The following ABCC4 variants were observed in gnomAD, a reference collection of about 807,000 sequenced individuals.
ABCC4 encodes ATP binding cassette subfamily C member 4 (PEL blood group), also known as ATP-binding cassette sub-family C member 4.
In ABCC4, 102 loss-of-function variants were observed where a neutral mutation model predicts 168.5. The ratio of observed to expected loss-of-function variants is 0.61; its 90% CI spans 0.52 to 0.71. The LOEUF is 0.71. Ranked by LOEUF, ABCC4 falls within the 30% of genes least tolerant of loss-of-function variation. The probability of loss-of-function intolerance (pLI) is 0.00; values close to 1 mark genes in which losing one functional copy is unlikely to be tolerated. For missense variants in ABCC4, 1,402 were observed against 1,605.8 expected, an observed-to-expected ratio of 0.87 and a Z score of 2.17; for synonymous variants, 617 against 590.7, an observed-to-expected ratio of 1.04 and a Z score of -0.65.
intron 19 of ABCC4, among the ~76,000 whole-genome samples, chr13:95,127,708 T>C (rs1040868840): frequency 7.9e-5 from 12 of 152,300 alleles, no homozygotes; most frequent in Admixed American, 3.9e-4. Context: ...GGTGATCTCA[T>C]GCCCTTGTGG....
chr13:95,064,421 C>CA (rs1426318658), intron 25 of ABCC4, among the ~76,000 whole-genome samples: 1 of 151,428 alleles, frequency 6.6e-6, no homozygotes, highest in East Asian at 1.9e-4. Flanking sequence ...TAAGATGACA[C>CA]ATTCTTTGGT....
At chr13:95,098,135 A>G (rs979818721) in intron 20 of ABCC4, among the ~76,000 whole-genome samples, 1 of 40,004 alleles carries the variant, frequency 2.5e-5, no homozygotes, top group Admixed American at 1.9e-4. Flanking sequence ...GATACTGTCT[A>G]AAAAAAAAAA....
intron 25 of ABCC4, among the ~76,000 whole-genome samples, chr13:95,066,856 G>A (rs1440070658): frequency 6.6e-6 from 1 of 152,198 alleles, no homozygotes; most frequent in Non-Finnish European, 1.5e-5. Context: ...GTCTTTAAAG[G>A]CACTGGCCTG....
In ABCC4 at chr13:95,146,365, A is replaced by G. The variant is rs1594179213; in HGVS notation, c.2455+14824T>C. ...CCAAACCCTCCACCACATGTAATCT[A>G]CTCATGTAACAAACCTGCATATGTA... On this transcript the variant is annotated intron_variant, in intron 19 of 30. Coordinates refer to ENST00000645237, the MANE Select transcript of ABCC4 (RefSeq NM_005845.5). Among the ~76,000 whole-genome samples, 2 of 152,286 alleles carry G rather than the reference A, an allele frequency of 1.3e-5. 1 individual carries two copies. The highest frequency in any genetic ancestry group is 4.1e-4 in the South Asian group (2 of 4,828).
chr13:95,201,207 A>G (rs1404291518), intron 8 of ABCC4, among the ~76,000 whole-genome samples: 1 of 152,220 alleles, frequency 6.6e-6, no homozygotes, highest in African/African-American at 2.4e-5. Context: ...ATTTTATTTT[A>G]CTACATGCAT....
rs570334897 is a variant in ABCC4 at position 95,210,788 on chromosome 13, T to C, written c.532-7A>G. The C allele has an allele frequency of 1.2e-6, 2 of 1,606,898 alleles. No homozygotes were observed. On this transcript the variant is annotated splice_polypyrimidine_tract_variant and splice_region_variant and intron_variant, in intron 4 of 30. Coordinates refer to ENST00000645237, the MANE Select transcript of ABCC4 (RefSeq NM_005845.5). ...TGTTACTAAGACGAAGTGCCTGAAATAAAAGAGGTAAGTAGAGAATTGTAT... is the reference window on the plus strand; with the variant it reads ...TGTTACTAAGACGAAGTGCCTGAAACAAAAGAGGTAAGTAGAGAATTGTAT...
intron 30 of ABCC4, among the ~76,000 whole-genome samples, chr13:95,024,715 G>A (rs1179640138): frequency 6.6e-6 from 1 of 152,094 alleles, no homozygotes; most frequent in African/African-American, 2.4e-5. Context: ...TCTAATTTTG[G>A]TGTACATAAT....
chr13:95,033,463 CATG>C (rs2031978480), intron 30 of ABCC4, among the ~76,000 whole-genome samples: 1 of 152,068 alleles, frequency 6.6e-6, no homozygotes, highest in African/African-American at 2.4e-5. Context: ...TACAGGTGAC[CATG>C]TGACATCTGG....
intron 22 of ABCC4, chr13:95,075,084 C>T (rs765638333): frequency 1.6e-4 from 36 of 221,808 alleles, no homozygotes; most frequent in Middle Eastern, 1.7e-3. Flanking sequence ...GCTACAATGG[C>T]AAAGGTGATT....
chr13:95,033,426 T>C (rs1428901460), intron 30 of ABCC4, among the ~76,000 whole-genome samples: 1 of 152,126 alleles, frequency 6.6e-6, no homozygotes, highest in East Asian at 1.9e-4. Context: ...AATACAACTC[T>C]CACCTCACAG....
intron 1 of ABCC4, among the ~76,000 whole-genome samples, chr13:95,299,504 C>T (rs1358627440): frequency 2.0e-5 from 3 of 152,114 alleles, no homozygotes; most frequent in Non-Finnish European, 4.4e-5. Flanking sequence ...GCTTGTCCAA[C>T]CTGAGGCCCA....
Position 95,177,734 on chromosome 13 carries a change from G to C in ABCC4, c.1700C>G (p.Ala567Gly), listed in dbSNP as rs749230800. The change falls in exon 13 of 31, where the codon GCG (alanine) becomes GGG (glycine). Residue 567 changes from alanine to glycine, a missense_variant. Coordinates refer to ENST00000645237, the MANE Select transcript of ABCC4 (RefSeq NM_005845.5). ...TTCGAACAAGTGTCTGCTAACTTCC[G>C]CATCTACTGCACTGAGAGGATCGTC... ...LLDDPLSAVD[A>G]EVSRHLFELC... The C allele has an allele frequency of 5.6e-6, 9 of 1,610,410 alleles. No homozygotes were observed. The highest frequency in any genetic ancestry group is 1.7e-5 in the Admixed American group (1 of 59,858).
At chr13:95,296,135 A>AACACACACACACACAC (rs753316849) in intron 1 of ABCC4, among the ~76,000 whole-genome samples, 2 of 98,846 alleles carry the variant, frequency 2.0e-5, no homozygotes, top group African/African-American at 8.1e-5. Context: ...CCTGTCTCAA[A>AACACACACACACACAC]ACACACACAC....
At chr13:95,069,177 C>A (rs1284785630) in intron 25 of ABCC4, among the ~76,000 whole-genome samples, 1 of 152,166 alleles carries the variant, frequency 6.6e-6, no homozygotes, top group South Asian at 2.1e-4. Flanking sequence ...AACACTGACA[C>A]CCAGAGAACG....
At position 95,221,760 on chromosome 13, in the gene ABCC4, CAG is replaced by C. The variant is rs1435078714; in HGVS notation, c.532-10981_532-10980del. ...TTAGAAGATAGAAAAAAGGAAAAAA[CAG>C]AAAAAAAACTAAAATTTAAAAACTG... On this transcript the variant is annotated intron_variant, in intron 4 of 30. Coordinates refer to ENST00000645237, the MANE Select transcript of ABCC4 (RefSeq NM_005845.5). Among the ~76,000 whole-genome samples the C allele has an allele frequency of 3.3e-5, 5 of 150,634 alleles. No homozygotes were observed. The East Asian group carries it at 9.8e-4, about 30-fold the overall frequency.
At chr13:95,135,447 C>G (rs1253882721) in intron 19 of ABCC4, among the ~76,000 whole-genome samples, 11 of 143,174 alleles carry the variant, frequency 7.7e-5, no homozygotes, top group Admixed American at 6.4e-4. Context: ...GGGTCTTGCT[C>G]TGTTGGCCAG....
chr13:95,175,033 T>A (rs1454898101), intron 13 of ABCC4, among the ~76,000 whole-genome samples: 4 of 152,158 alleles, frequency 2.6e-5, no homozygotes, highest in African/African-American at 9.7e-5. Flanking sequence ...ATCATACACA[T>A]CCACTTCATC....
rs1375009308 is a variant in ABCC4, at chr13:95,182,727, C to A, written c.1545+3974G>T. 2.0e-5 allele frequency among the ~76,000 whole-genome samples: 3 copies of A among 152,124 alleles called. No homozygotes were observed. In the East Asian group the frequency reaches 5.8e-4, roughly 29 times the overall value. On this transcript the variant is annotated intron_variant, in intron 11 of 30. Coordinates refer to ENST00000645237, the MANE Select transcript of ABCC4 (RefSeq NM_005845.5). ...AAACTGAGGCTTTCTAAGGTTCAGA[C>A]GATTAGCTAAAATCACACACCTACT...
intron 30 of ABCC4, 109 bp downstream of exon 30, chr13:95,034,496 T>A (rs537557494): frequency 1.4e-6 from 2 of 1,411,632 alleles, no homozygotes; most frequent in African/African-American, 2.9e-5. Flanking sequence ...CTCTGCAGGC[T>A]TATAATTGAA....
Sources: allele counts gnomAD v4.1 joint callset (sites outside exome capture counted in the v4.1 genomes callset), GRCh38; gene constraint gnomAD v4.1.1; transcripts MANE v1.5; gene names NCBI Gene and HGNC (gene_info 2026-07-23, HGNC 2026-07-21).